GAS7: variants seen among roughly 807,000 people sequenced by gnomAD.
GAS7 encodes the protein growth arrest-specific protein 7.
In GAS7, 28 loss-of-function variants were observed where a neutral mutation model predicts 71.1. The ratio of observed to expected loss-of-function variants is 0.39; its 90% confidence interval spans 0.29 to 0.54. The LOEUF (loss-of-function observed/expected upper bound fraction) is 0.54, where lower values mean the gene tolerates loss of function less well. Among genes scored for constraint, GAS7 ranks in the 20% least tolerant of loss-of-function variants. The pLI, the probability that GAS7 is intolerant of heterozygous loss-of-function variation, is 0.62. For missense variants in GAS7, 436 were observed against 627.8 expected, an observed-to-expected ratio of 0.69 and a Z score of 3.27; for synonymous variants, 258 against 245.8, an observed-to-expected ratio of 1.05 and a Z score of -0.46.
At chr17:10,064,860 GCT>G (rs1370638338) in intron 1 of GAS7, among the ~76,000 whole-genome samples, 1 of 152,144 alleles carries the variant, frequency 6.6e-6, no homozygotes, top group African/African-American at 2.4e-5. Context: ...ACTGGATCTC[GCT>G]CTGTCCCCAG....
intron 2 of GAS7, among the ~76,000 whole-genome samples, chr17:10,019,478 C>T (rs1300475552): frequency 6.6e-6 from 1 of 152,072 alleles, no homozygotes; most frequent in Non-Finnish European, 1.5e-5. Context: ...GAAAACCCAG[C>T]CCCAGACGAA....
intron 1 of GAS7, among the ~76,000 whole-genome samples, chr17:10,022,957 G>A (rs2072327426): frequency 6.6e-6 from 1 of 152,238 alleles, no homozygotes. Flanking sequence ...TGGAGAGCCA[G>A]TGGACCCAAC....
Position 9,969,808 on chromosome 17 carries a change from G to A in GAS7, c.386-46C>T, listed in dbSNP as rs762141402. 8 of 1,259,058 alleles carry A rather than the reference G, an allele frequency of 6.4e-6. No individual in the cohort carries two copies. The highest frequency in any genetic ancestry group is 2.4e-5 in the South Asian group (2 of 83,510). 78.0% of individuals were successfully genotyped at this position (1,259,058 alleles called of 1,614,324 possible). Reference sequence around the variant, plus strand: ...CTCAGATGCTGTGTGGGCCACAGATGGGCACCCCCGCCTTTCGTCCACTGC... The same window carrying A: ...CTCAGATGCTGTGTGGGCCACAGATAGGCACCCCCGCCTTTCGTCCACTGC... On this transcript the variant is annotated intron_variant, in intron 3 of 13. Coordinates refer to ENST00000432992, the MANE Select transcript of GAS7 (RefSeq NM_201433.2). The surrounding 1 kb of genome is among the most constrained non-coding windows in gnomAD (Gnocchi z 5.5).
At chr17:10,006,206 T>A (rs981767806) in intron 2 of GAS7, among the ~76,000 whole-genome samples, 1 of 151,606 alleles carries the variant, frequency 6.6e-6, no homozygotes, top group South Asian at 2.1e-4. Context: ...AGGCCTGAAC[T>A]GCTGCACACG....
chr17:10,084,819 C>T (rs1461881885), intron 1 of GAS7, among the ~76,000 whole-genome samples: 1 of 152,178 alleles, frequency 6.6e-6, no homozygotes, highest in Non-Finnish European at 1.5e-5. Flanking sequence ...GATTCTCTCT[C>T]CCCTGCTGGG....
chr17:10,186,551 G>A (rs1316546151), intron 1 of GAS7, among the ~76,000 whole-genome samples: 2 of 151,802 alleles, frequency 1.3e-5, no homozygotes, highest in African/African-American at 2.4e-5. Context: ...TTATAGGCAT[G>A]TGCCACCAAG....
intron 8 of GAS7, among the ~76,000 whole-genome samples, chr17:9,938,919 G>A (rs985772957): frequency 2.6e-5 from 4 of 152,142 alleles, no homozygotes; most frequent in African/African-American, 9.7e-5. Context: ...GAATGTTTTC[G>A]AGGCTCATCC....
chr17:9,922,914 T>G (rs1191355311), intron 11 of GAS7, among the ~76,000 whole-genome samples: 1 of 152,226 alleles, frequency 6.6e-6, no homozygotes, highest in Non-Finnish European at 1.5e-5. Context: ...TTTGTTTGTT[T>G]GTTTTGTTTT....
At chr17:10,144,550 T>C (rs1452573635) in intron 1 of GAS7, among the ~76,000 whole-genome samples, 1 of 152,136 alleles carries the variant, frequency 6.6e-6, no homozygotes, top group Admixed American at 6.5e-5. Context: ...TTTCTTTTTT[T>C]TCTTTTTTCT....
chr17:9,954,500 A>T (rs1389303947), intron 5 of GAS7, among the ~76,000 whole-genome samples: 2 of 151,446 alleles, frequency 1.3e-5, no homozygotes, highest in Non-Finnish European at 2.9e-5. Context: ...GGGTCATGAT[A>T]GCAGCTGGGA....
chr17:10,133,114 ATT>A (rs1295175361), intron 1 of GAS7, among the ~76,000 whole-genome samples: 2 of 122,938 alleles, frequency 1.6e-5, no homozygotes, highest in African/African-American at 6.0e-5. Context: ...TAGATTATAT[ATT>A]TTTATATTTT....
intron 1 of GAS7, among the ~76,000 whole-genome samples, chr17:10,135,786 G>A (rs1406143183): frequency 6.6e-6 from 1 of 152,176 alleles, no homozygotes; most frequent in East Asian, 1.9e-4. Context: ...ACCAGCAAAG[G>A]AGGATGTTTT....
rs927831955 is a variant in GAS7 at position 10,034,286 on chromosome 17, A to G, written c.184-14389T>C. 8.0e-6 allele frequency: 7 copies of G among 871,480 alleles called. No individual in the cohort carries two copies. The highest frequency in any genetic ancestry group is 9.6e-6 in the Non-Finnish European group (7 of 726,566). 54.0% of individuals were successfully genotyped at this position (871,480 alleles called of 1,614,324 possible). A position where few individuals can be genotyped will look rare whatever the true frequency, so the allele number is the denominator to read the frequency against. ...ATGGTCTCCAAGGGCTTTCATATAT[A>G]CATATATATAGCCTAATACTTAATA... On this transcript the variant is annotated intron_variant, in intron 1 of 13. Transcript: ENST00000432992. The surrounding 1 kb of genome is among the most constrained non-coding windows in gnomAD (Gnocchi z 4.4).
At chr17:10,043,617 T>C (rs539589084) in intron 1 of GAS7, among the ~76,000 whole-genome samples, 32 of 152,194 alleles carry the variant, frequency 2.1e-4, no homozygotes, top group Non-Finnish European at 3.7e-4. Flanking sequence ...AATAAAATGT[T>C]AAGAAAATCA....
intron 8 of GAS7, among the ~76,000 whole-genome samples, chr17:9,938,470 C>CA (rs34813185): frequency 0.072 from 4,683 of 64,814 alleles, 374 homozygotes; most frequent in African/African-American, 0.18. Flanking sequence ...GACTCTGTCT[C>CA]AAAAAAAAAA....
intron 1 of GAS7, among the ~76,000 whole-genome samples, chr17:10,148,289 T>C (rs981985839): frequency 1.3e-5 from 2 of 152,062 alleles, no homozygotes; most frequent in Non-Finnish European, 2.9e-5. Context: ...ATCCCTTGGA[T>C]AACTGTTTGC....
At chr17:10,109,863 G>A (rs1358211303) in intron 1 of GAS7, among the ~76,000 whole-genome samples, 1 of 152,108 alleles carries the variant, frequency 6.6e-6, no homozygotes, top group Non-Finnish European at 1.5e-5. Context: ...AGACCAGCCT[G>A]GCCAACGTGG....
intron 2 of GAS7, among the ~76,000 whole-genome samples, chr17:10,018,997 G>A (rs973850896): frequency 4.6e-5 from 7 of 152,110 alleles, no homozygotes; most frequent in African/African-American, 4.8e-5. Flanking sequence ...TGTTCAGCTG[G>A]TTTACCCTGT....
chr17:9,928,003 T>C (rs1360846833), intron 9 of GAS7, among the ~76,000 whole-genome samples: 1 of 152,148 alleles, frequency 6.6e-6, no homozygotes, highest in African/African-American at 2.4e-5. Flanking sequence ...TTTAAGCTTT[T>C]TTCTTCTCTT....
Sources: gnomAD v4.1 joint callset for allele counts (sites outside exome capture counted in the v4.1 genomes callset) on GRCh38, gnomAD v4.1.1 for gene constraint, Gnocchi (gnomAD v3.1) non-coding constraint, MANE v1.5 for transcripts, NCBI Gene and HGNC (gene_info 2026-07-23, HGNC 2026-07-21) for gene names.